The following FKBP7 variants were observed in gnomAD, a reference collection of about 807,000 sequenced individuals.
FKBP7 encodes FKBP prolyl isomerase 7.
In FKBP7, 24 loss-of-function variants were observed where a neutral mutation model predicts 24.3. The observed-to-expected ratio is 0.99, with a 90% confidence interval of 0.72 to 1.39. The LOEUF (loss-of-function observed/expected upper bound fraction) is 1.39. FKBP7 is among the 40% of genes most tolerant of loss of function. The probability of loss-of-function intolerance (pLI) is 0.00; values close to 1 mark genes in which losing one functional copy is unlikely to be tolerated. For missense variants in FKBP7, 257 were observed against 269.5 expected, an observed-to-expected ratio of 0.95 and a Z score of 0.33; for synonymous variants, 98 against 92.8, an observed-to-expected ratio of 1.06 and a Z score of -0.32.
intron 2 of FKBP7, among the ~76,000 whole-genome samples, chr2:178,473,308 A>C (rs973895680): frequency 6.6e-6 from 1 of 152,232 alleles, no homozygotes. Context: ...AACGCAGGCA[A>C]GGTCAGTATT....
intron 3 of FKBP7, among the ~76,000 whole-genome samples, chr2:178,468,754 T>A (rs1405900239): frequency 6.6e-6 from 1 of 152,176 alleles, no homozygotes; most frequent in Non-Finnish European, 1.5e-5. Context: ...GCGAAGATGA[T>A]GACAATAGTG....
chr2:178,478,413 CTCTT>C lies in FKBP7; in HGVS notation c.83_86del (p.Lys28ArgfsTer7), dbSNP rs748097795. On this transcript the variant is annotated frameshift_variant, in exon 1 of 4. Transcript: ENST00000424785. LOFTEE classifies it high-confidence loss of function. ...CTATTTTCACTTCTTCGGTGCTCTC[CTCTT>C]TCTTTTGTCTCTGAGCAGTAAAAAG... 38 of 1,614,108 alleles carry C rather than the reference CTCTT, an allele frequency of 2.4e-5. 1 individual carries two copies. In the South Asian group the frequency reaches 4.0e-4, roughly 17 times the overall value.
At position 178,465,643 on chromosome 2, in the gene FKBP7, G is replaced by A. The variant is rs1684631968; in HGVS notation, c.*127C>T. The A allele has an allele frequency of 8.2e-6, 7 of 849,486 alleles. No homozygotes were observed. In the South Asian group the frequency reaches 1.4e-4, roughly 17 times the overall value. The allele number at this position is 849,486 out of a possible 1,614,324, so 52.6% of individuals were successfully genotyped here. On this transcript the variant is annotated 3_prime_UTR_variant, in exon 4 of 4. Coordinates refer to ENST00000424785, the MANE Select transcript of FKBP7 (RefSeq NM_181342.3). ...TCACATTTATTATACCAAAATCAAT[G>A]TATTGGGGAGATCAAAATATCTTCT...
Position 178,469,669 on chromosome 2 carries a change from G to A in FKBP7, c.490C>T (p.Gln164Ter). The A allele has an allele frequency of 6.2e-7, 1 of 1,613,830 alleles. No individual in the cohort carries two copies. The highest frequency in any genetic ancestry group is 8.5e-7 in the Non-Finnish European group (1 of 1,179,948). Residue 164 changes from glutamine (Q) to a stop codon, truncating the protein, a stop_gained, in exon 3 of 4, where the codon CAG (glutamine) becomes TAG (stop). Coordinates refer to ENST00000424785, the MANE Select transcript of FKBP7 (RefSeq NM_181342.3). LOFTEE classifies it high-confidence loss of function. ...FKQIDMDNDR[Q>*]LSKAEINLYL... is the part of the protein sequence containing the mutation. ...TGAATTACCTCGGCTTTAGAGAGCT[G>A]CCTGTCATTGTCCATGTCTATTTGT...
At chr2:178,467,068 C>T in intron 3 of FKBP7, among the ~76,000 whole-genome samples, 1 of 152,214 alleles carries the variant, frequency 6.6e-6, no homozygotes, top group East Asian at 1.9e-4. Context: ...CAAAGCTTAG[C>T]AATCCTATGT....
chr2:178,476,884 T>C (rs1301278582), intron 2 of FKBP7, among the ~76,000 whole-genome samples, 178 bp downstream of exon 2: 1 of 152,126 alleles, frequency 6.6e-6, no homozygotes, highest in Non-Finnish European at 1.5e-5. Flanking sequence ...CATTTCTCTA[T>C]GTATGGACAT....
At chr2:178,473,972 C>G (rs1008959572) in intron 2 of FKBP7, among the ~76,000 whole-genome samples, 1 of 152,134 alleles carries the variant, frequency 6.6e-6, no homozygotes, top group Non-Finnish European at 1.5e-5. Context: ...TGGAAATTGT[C>G]TCTTTAGGAG....
intron 2 of FKBP7, among the ~76,000 whole-genome samples, chr2:178,470,821 C>T (rs1033108425): frequency 6.6e-6 from 1 of 152,042 alleles, no homozygotes; most frequent in Admixed American, 6.6e-5. Context: ...AATTCAGTAA[C>T]AATTTTACAA....
intron 2 of FKBP7, among the ~76,000 whole-genome samples, chr2:178,476,246 C>G (rs565433370): frequency 1.8e-4 from 28 of 152,102 alleles, no homozygotes; most frequent in Non-Finnish European, 3.5e-4. Context: ...TCCTTATAAG[C>G]AAAAAGAAGG....
intron 2 of FKBP7, among the ~76,000 whole-genome samples, chr2:178,472,464 C>T (rs973634901): frequency 4.0e-5 from 6 of 151,676 alleles, no homozygotes; most frequent in Admixed American, 1.3e-4. Flanking sequence ...ATTGGCCGGG[C>T]GCAGTGGCTT....
chr2:178,465,977 G>A lies in FKBP7; in HGVS notation c.508-46C>T, dbSNP rs748442808. 2.0e-6 allele frequency: 3 copies of A among 1,472,162 alleles called. No homozygotes were observed. In the East Asian group the frequency reaches 7.1e-5, roughly 35 times the overall value. 91.2% of individuals were successfully genotyped at this position (1,472,162 alleles called of 1,614,324 possible). A position where few individuals can be genotyped will look rare whatever the true frequency, so the allele number is the denominator to read the frequency against. On this transcript the variant is annotated intron_variant, in intron 3 of 3. Transcript: ENST00000424785. ...TCCTTTAATTAAAAGGTATCACAGT[G>A]AATTTCCAGTAACTTTAAGGAATAG...
chr2:178,477,403 T>C (rs909834824), intron 1 of FKBP7, among the ~76,000 whole-genome samples, 190 bp from the exon 2 acceptor site: 9 of 152,218 alleles, frequency 5.9e-5, no homozygotes, highest in Non-Finnish European at 5.9e-5. Context: ...TGCCCAAAGT[T>C]AATCATTAAC....
chr2:178,472,825 C>T (rs1447192498), intron 2 of FKBP7, among the ~76,000 whole-genome samples: 13 of 113,358 alleles, frequency 1.1e-4, no homozygotes, highest in Non-Finnish European at 2.1e-4. Flanking sequence ...GCGCTCCAAT[C>T]TGGGTGACAG....
chr2:178,470,733 GA>G (rs2154126825), intron 2 of FKBP7, among the ~76,000 whole-genome samples: 1 of 151,742 alleles, frequency 6.6e-6, no homozygotes, highest in South Asian at 2.1e-4. Flanking sequence ...AGGATCACTT[GA>G]GCCCAGGAGT....
chr2:178,478,135 G>A (rs771096220), intron 1 of FKBP7, 144 bp downstream of exon 1: 1 of 769,578 alleles, frequency 1.3e-6, no homozygotes, highest in Non-Finnish European at 2.1e-6. Context: ...GCCATATAAT[G>A]TGATTTTTTT....
At position 178,476,114 on chromosome 2, in the gene FKBP7, C is replaced by G. The variant is rs116779223; in HGVS notation, c.373+948G>C. ...AATATTTATGTAATAATAACATATG[C>G]TGAAAACAAATAAAAATGCTTAAGG... On this transcript the variant is annotated intron_variant, in intron 2 of 3. Coordinates refer to ENST00000424785, the MANE Select transcript of FKBP7 (RefSeq NM_181342.3). Among the ~76,000 whole-genome samples, 1,474 of 152,160 alleles carry G rather than the reference C, an allele frequency of 9.7e-3. 21 individuals are homozygous for G. Among genetic ancestry groups the G allele is most frequent in the African/African-American group, 0.034 (1,408 of 41,510 alleles).
chr2:178,476,363 CACATA>C (rs1342611524), intron 2 of FKBP7, among the ~76,000 whole-genome samples: 20 of 152,202 alleles, frequency 1.3e-4, no homozygotes, highest in East Asian at 3.9e-4. Context: ...TGGTAAAATA[CACATA>C]ACATAAAATT....
chr2:178,471,871 C>T (rs1224137235), intron 2 of FKBP7, among the ~76,000 whole-genome samples: 1 of 152,110 alleles, frequency 6.6e-6, no homozygotes, highest in Non-Finnish European at 1.5e-5. Context: ...AAGATCTACC[C>T]ATGCATCATA....
chr2:178,472,197 C>G (rs1373541113), intron 2 of FKBP7, among the ~76,000 whole-genome samples: 1 of 151,482 alleles, frequency 6.6e-6, no homozygotes, highest in Non-Finnish European at 1.5e-5. Flanking sequence ...GTTTCAGCCT[C>G]CCAAGTAGCT....
Sources: gnomAD v4.1 joint callset for allele counts (sites outside exome capture counted in the v4.1 genomes callset) on GRCh38, gnomAD v4.1.1 for gene constraint, MANE v1.5 for transcripts, NCBI Gene and HGNC (gene_info 2026-07-23, HGNC 2026-07-21) for gene names.